Variants in RGS5 observed in about 807,000 individuals in gnomAD.
RGS5 encodes regulator of G-protein signalling 5.
RGS5 carries 20 observed loss-of-function variants against 18.9 expected under a neutral mutation model. That is an observed-to-expected ratio of 1.06 (90% confidence interval 0.74 to 1.54). The LOEUF is 1.54. RGS5 is among the 40% of genes most tolerant of loss of function. RGS5 has a pLI of 0.00. For missense variants in RGS5, 201 were observed against 211.8 expected (o/e 0.95, Z 0.32); for synonymous variants, 57 against 76.2 (o/e 0.75, Z 1.31).
At chr1:163,279,821 A>G (rs1179375803) in intron 2 of RGS5, among the ~76,000 whole-genome samples, 2 of 152,040 alleles carry the variant, frequency 1.3e-5, no homozygotes, top group African/African-American at 4.8e-5. Context: ...ATGAAAAAGG[A>G]GGGATTACAA....
chr1:163,270,161 C>T (rs1648680734), intron 2 of RGS5, among the ~76,000 whole-genome samples: 1 of 151,988 alleles, frequency 6.6e-6, no homozygotes, highest in African/African-American at 2.4e-5. Flanking sequence ...GGGGTCACTT[C>T]CTCTAATCGC....
chr1:163,297,459 G>T (rs1649450192), intron 2 of RGS5, among the ~76,000 whole-genome samples: 1 of 152,044 alleles, frequency 6.6e-6, no homozygotes, highest in Non-Finnish European at 1.5e-5. Context: ...GCTTTCTCTT[G>T]GTCCCACCAG....
chr1:163,217,874 A>T (rs1446302382), upstream of RGS5, among the ~76,000 whole-genome samples: 1 of 152,196 alleles, frequency 6.6e-6, no homozygotes, highest in Admixed American at 6.5e-5. Context: ...ATTGGTACGC[A>T]GATTACGGTA....
chr1:163,316,986 G>C (rs1249345829), intron 1 of RGS5, among the ~76,000 whole-genome samples: 2 of 152,152 alleles, frequency 1.3e-5, no homozygotes, highest in Non-Finnish European at 2.9e-5. Flanking sequence ...TAATAGTGGA[G>C]ACAGGCACAA....
intron 1 of RGS5, among the ~76,000 whole-genome samples, chr1:163,171,203 T>A (rs1345742202): frequency 6.6e-6 from 1 of 152,140 alleles, no homozygotes; most frequent in East Asian, 1.9e-4. Context: ...AATTGCCAAT[T>A]TTATATTTAT....
chr1:163,269,552 T>C (rs1648662889), intron 2 of RGS5, among the ~76,000 whole-genome samples: 2 of 152,166 alleles, frequency 1.3e-5, no homozygotes, highest in Non-Finnish European at 2.9e-5. Context: ...AGACATGTTA[T>C]TTGAGATTGG....
intron 2 of RGS5, among the ~76,000 whole-genome samples, chr1:163,273,666 G>C (rs1000037315): frequency 1.3e-5 from 2 of 151,962 alleles, no homozygotes; most frequent in African/African-American, 4.8e-5. Context: ...CTAACATATA[G>C]GACCACTCAG....
At chr1:163,286,466 G>T (rs1039228211) in intron 2 of RGS5, among the ~76,000 whole-genome samples, 3 of 151,926 alleles carry the variant, frequency 2.0e-5, no homozygotes, top group African/African-American at 4.8e-5. Context: ...TATATGTAAA[G>T]TCTCTCATTA....
intron 2 of RGS5, among the ~76,000 whole-genome samples, chr1:163,243,813 AACAC>A (rs140181467): frequency 6.7e-6 from 1 of 150,114 alleles, no homozygotes; most frequent in South Asian, 2.1e-4. Flanking sequence ...ACATTCACAC[AACAC>A]ACACACACAC....
At chr1:163,231,852 C>T (rs953813805) in intron 2 of RGS5, among the ~76,000 whole-genome samples, 8 of 151,710 alleles carry the variant, frequency 5.3e-5, no homozygotes, top group African/African-American at 1.7e-4. Flanking sequence ...GGCCTTCCAC[C>T]TTTCCTTGTT....
chr1:163,277,144 A>T (rs1382695548), intron 2 of RGS5, among the ~76,000 whole-genome samples: 1 of 152,194 alleles, frequency 6.6e-6, no homozygotes, highest in Non-Finnish European at 1.5e-5. Flanking sequence ...TATTGATTCC[A>T]GGTCTTTAGA....
intron 1 of RGS5, among the ~76,000 whole-genome samples, chr1:163,308,358 A>G (rs1021523573): frequency 2.6e-5 from 4 of 152,198 alleles, no homozygotes; most frequent in African/African-American, 9.7e-5. Context: ...GATTATTTGA[A>G]TAAGTACAAG....
At position 163,281,663 on chromosome 1, in the gene RGS5, C is replaced by T. The variant is rs539899529; in HGVS notation, c.-281+24570G>A. ...ATGAGATTTGCAGGGGGCACACAAC[C>T]AAACCATATCAAGAACTATAGTAAC... is the stretch of plus-strand genomic sequence containing the variant. On this transcript the variant is annotated intron_variant, in intron 2 of 5. Transcript: ENST00000618415. Among the ~76,000 whole-genome samples, 5 of 152,210 alleles carry T rather than the reference C, an allele frequency of 3.3e-5. No homozygotes were observed. The South Asian group carries it at 1.0e-3, about 32-fold the overall frequency.
intron 1 of RGS5, among the ~76,000 whole-genome samples, chr1:163,202,398 G>A (rs80250762): frequency 0.15 from 22,743 of 152,034 alleles, 1,747 homozygotes; most frequent in South Asian, 0.26. Flanking sequence ...GCTACATAGA[G>A]GTTAAATAAA....
intron 1 of RGS5, among the ~76,000 whole-genome samples, chr1:163,169,330 C>T (rs1658199300): frequency 6.6e-6 from 1 of 152,066 alleles, no homozygotes; most frequent in Non-Finnish European, 1.5e-5. Flanking sequence ...CATATGTGTG[C>T]ATGTGTCTTT....
chr1:163,306,629 T>C (rs1324003239), intron 1 of RGS5, among the ~76,000 whole-genome samples: 1 of 152,214 alleles, frequency 6.6e-6, no homozygotes, highest in Non-Finnish European at 1.5e-5. Context: ...TGTGACCTTA[T>C]TTGTAAATAG....
chr1:163,297,655 T>C (rs1039873748), intron 2 of RGS5, among the ~76,000 whole-genome samples: 3 of 152,156 alleles, frequency 2.0e-5, no homozygotes, highest in Non-Finnish European at 4.4e-5. Flanking sequence ...TCTCTGTATC[T>C]TCTCCCATGT....
intron 4 of RGS5, among the ~76,000 whole-genome samples, chr1:163,148,360 C>T (rs929282528): frequency 1.3e-5 from 2 of 152,124 alleles, no homozygotes; most frequent in Non-Finnish European, 2.9e-5. Flanking sequence ...AAAACTTGTT[C>T]TTTCCAAAAA....
At position 163,201,012 on chromosome 1, in the gene RGS5, A is replaced by C. The variant is rs572351579; in HGVS notation, c.44+1780T>G. Among the ~76,000 whole-genome samples, 54 of 152,322 alleles carry C rather than the reference A, an allele frequency of 3.5e-4. No homozygotes were observed. The Middle Eastern group carries it at 0.014, about 38-fold the overall frequency. On this transcript the variant is annotated intron_variant, in intron 1 of 4. Coordinates refer to ENST00000313961, the MANE Select transcript of RGS5 (RefSeq NM_003617.4). Reference sequence around the variant, plus strand: ...ATAGAGCAAAATAATTAACATGGCAAATTTTCAACAGAAATTTTATTGATT... The same window carrying C: ...ATAGAGCAAAATAATTAACATGGCACATTTTCAACAGAAATTTTATTGATT...
Sources: allele counts gnomAD v4.1 joint callset (sites outside exome capture counted in the v4.1 genomes callset), GRCh38; gene constraint gnomAD v4.1.1; transcripts MANE v1.5; gene names NCBI Gene and HGNC (gene_info 2026-07-23, HGNC 2026-07-21).